The following AGTPBP1 variants were observed in gnomAD, a reference collection of about 807,000 sequenced individuals.
AGTPBP1 encodes the protein cytosolic carboxypeptidase 1.
A neutral mutation model predicts 143.9 loss-of-function variants in AGTPBP1; 70 were observed. The ratio of observed to expected loss-of-function variants is 0.49; its 90% CI spans 0.40 to 0.59. AGTPBP1 has a LOEUF of 0.59. Ranked by LOEUF, AGTPBP1 falls within the 20% of genes least tolerant of loss-of-function variation. AGTPBP1 has a pLI of 0.00. For synonymous variants in AGTPBP1, 463 were observed against 500.2 expected, an observed-to-expected ratio of 0.93 and a Z score of 0.99; for missense variants, 1,229 against 1,464.5, an observed-to-expected ratio of 0.84 and a Z score of 2.62.
intron 17 of AGTPBP1, among the ~76,000 whole-genome samples, chr9:85,610,239 C>T (rs1408835669): frequency 6.6e-6 from 1 of 152,068 alleles, no homozygotes; most frequent in African/African-American, 2.4e-5. Flanking sequence ...GGTACTGAAG[C>T]TCCAAGTCAC....
chr9:85,633,999 C>T (rs1371954392), intron 13 of AGTPBP1, among the ~76,000 whole-genome samples: 1 of 151,470 alleles, frequency 6.6e-6, no homozygotes, highest in Non-Finnish European at 1.5e-5. Context: ...CAAGACCAGC[C>T]TGGCCAACAT....
At chr9:85,723,952 A>T (rs1236172417) in intron 1 of AGTPBP1, among the ~76,000 whole-genome samples, 1 of 152,160 alleles carries the variant, frequency 6.6e-6, no homozygotes, top group African/African-American at 2.4e-5. Context: ...TGAATCTGCC[A>T]GCATCTTGAT....
At chr9:85,688,070 A>C (rs1209604861) in intron 3 of AGTPBP1, among the ~76,000 whole-genome samples, 2 of 149,686 alleles carry the variant, frequency 1.3e-5, no homozygotes, top group East Asian at 3.9e-4. Context: ...AGCCTGGGCA[A>C]CAAGAATGAA....
At chr9:85,568,796 C>A (rs1354008798) in intron 25 of AGTPBP1, among the ~76,000 whole-genome samples, 1 of 151,904 alleles carries the variant, frequency 6.6e-6, no homozygotes. Context: ...TAAGGGTAAG[C>A]GAGAGGAAAA....
chr9:85,795,980 G>A, the AGTPBP1 span, among the ~76,000 whole-genome samples: 22 of 150,540 alleles, frequency 1.5e-4, no homozygotes, highest in African/African-American at 5.4e-4. Context: ...GGAGAGTGGA[G>A]GCTTGAATTA....
At chr9:85,741,654 G>A in intron 1 of AGTPBP1, 121 bp downstream of exon 1, 1 of 1,250,086 alleles carries the variant, frequency 8.0e-7, no homozygotes, top group South Asian at 3.1e-5. Context: ...CGTCAGGTAA[G>A]GGGCGCAGGG....
chr9:85,608,900 T>C (rs35241797), intron 17 of AGTPBP1, among the ~76,000 whole-genome samples: 28,170 of 151,920 alleles, frequency 0.19, 3,377 homozygotes, highest in East Asian at 0.52. Context: ...AGACCCTCAA[T>C]AGGGTGGAGG....
chr9:85,742,077 G>T (rs1420160904), upstream of AGTPBP1: 49 of 1,098,650 alleles, frequency 4.5e-5, 1 homozygote, highest in South Asian at 4.1e-4. Context: ...GGGGCGGAGC[G>T]CACGCCCTCT....
At chr9:85,692,632 T>A (rs771998999) in intron 3 of AGTPBP1, 57 bp downstream of exon 3, 3 of 1,571,442 alleles carry the variant, frequency 1.9e-6, no homozygotes, top group East Asian at 4.5e-5. Context: ...ATTTTTAGCA[T>A]CCACTTTTAA....
intron 2 of AGTPBP1, among the ~76,000 whole-genome samples, chr9:85,709,110 GATA>G (rs1376848492): frequency 6.6e-6 from 1 of 151,948 alleles, no homozygotes; most frequent in Non-Finnish European, 1.5e-5. Context: ...ATATGAAAAG[GATA>G]ATAACAATAT....
intron 14 of AGTPBP1, 103 bp from the exon 15 acceptor site, chr9:85,621,388 AAAAT>A (rs1830926428): frequency 4.3e-6 from 2 of 468,118 alleles, no homozygotes; most frequent in Non-Finnish European, 6.9e-6. Flanking sequence ...AAAATTTCTT[AAAAT>A]AAAAATGATT....
chr9:85,688,707 C>A (rs954446882), intron 3 of AGTPBP1, among the ~76,000 whole-genome samples: 7 of 152,162 alleles, frequency 4.6e-5, no homozygotes, highest in Admixed American at 4.6e-4. Flanking sequence ...AAATAATTCA[C>A]TGTACATAAG....
chr9:85,755,529 A>C, the AGTPBP1 span, among the ~76,000 whole-genome samples: 1 of 152,116 alleles, frequency 6.6e-6, no homozygotes, highest in Non-Finnish European at 1.5e-5. Flanking sequence ...TGTGTCTTCC[A>C]CTGTGTGTAT....
chr9:85,643,241 T>C (rs1225360369), intron 12 of AGTPBP1, among the ~76,000 whole-genome samples: 1 of 152,138 alleles, frequency 6.6e-6, no homozygotes, highest in East Asian at 1.9e-4. Flanking sequence ...ATGAAAAACA[T>C]ACATATATAT....
chr9:85,773,285 AAG>A, the AGTPBP1 span, among the ~76,000 whole-genome samples: 4 of 133,780 alleles, frequency 3.0e-5, no homozygotes, highest in African/African-American at 7.1e-5. Context: ...AAAAAAAAAA[AAG>A]AAAGTGTCAT....
intron 2 of AGTPBP1, among the ~76,000 whole-genome samples, chr9:85,693,038 A>G (rs1420703317): frequency 6.6e-6 from 1 of 152,188 alleles, no homozygotes; most frequent in Non-Finnish European, 1.5e-5. Context: ...AAAACCACAA[A>G]TCACAAATAT....
At chr9:85,562,499 C>T (rs1587630477) in intron 25 of AGTPBP1, among the ~76,000 whole-genome samples, 1 of 152,204 alleles carries the variant, frequency 6.6e-6, no homozygotes, top group South Asian at 2.1e-4. Context: ...AACTCACACA[C>T]TCAGAAGTTT....
chr9:85,730,345 T>C (rs1167873895), intron 1 of AGTPBP1, among the ~76,000 whole-genome samples: 2 of 152,336 alleles, frequency 1.3e-5, no homozygotes, highest in East Asian at 3.9e-4. Context: ...AATATCTTTT[T>C]TATCTGCCAG....
chr9:85,563,820 C>T (rs1032819733), intron 25 of AGTPBP1, among the ~76,000 whole-genome samples: 1 of 152,238 alleles, frequency 6.6e-6, no homozygotes, highest in Non-Finnish European at 1.5e-5. Context: ...CCTGTGCCTG[C>T]AGGTTCACAC....
Sources: allele counts gnomAD v4.1 joint callset (sites outside exome capture counted in the v4.1 genomes callset), GRCh38; gene constraint gnomAD v4.1.1; transcripts MANE v1.5; gene names NCBI Gene and HGNC (gene_info 2026-07-23, HGNC 2026-07-21).